STK33: variants seen among roughly 807,000 people sequenced by gnomAD.
The protein encoded by STK33 is serine/threonine kinase 33.
STK33 carries 52 observed loss-of-function variants against 58.0 expected under a neutral mutation model. The observed-to-expected ratio is 0.90, with a 90% CI of 0.72 to 1.13. STK33 has a LOEUF of 1.13. STK33 is among the 50% of genes most tolerant of loss of function. The probability of loss-of-function intolerance (pLI) is 0.00; values close to 1 mark genes in which losing one functional copy is unlikely to be tolerated. For synonymous variants in STK33, 215 were observed against 200.1 expected (o/e 1.07, Z -0.63); for missense variants, 630 against 604.2 (o/e 1.04, Z -0.45).
intron 1 of STK33, among the ~76,000 whole-genome samples, chr11:8,558,170 A>G (rs1388356639): frequency 1.3e-5 from 2 of 152,212 alleles, no homozygotes; most frequent in Non-Finnish European, 2.9e-5. Context: ...TCCATCATTC[A>G]TTTGTTTGCA....
the STK33 span, among the ~76,000 whole-genome samples, chr11:8,364,557 G>A: frequency 2.0e-5 from 3 of 151,970 alleles, no homozygotes; most frequent in Non-Finnish European, 2.9e-5. Context: ...CAGCAGGGAA[G>A]TTTACCCCTT....
At chr11:8,346,287 G>A in the STK33 span, among the ~76,000 whole-genome samples, 2 of 152,204 alleles carry the variant, frequency 1.3e-5, no homozygotes, top group African/African-American at 2.4e-5. Context: ...ACGGGGCACC[G>A]TGAGCCCCAG....
Position 8,457,444 on chromosome 11 carries a change from T to G in STK33, c.594A>C (p.Gly198=). The G allele has an allele frequency of 1.2e-6, 2 of 1,604,514 alleles. No homozygotes were observed. The highest frequency in any genetic ancestry group is 4.5e-5 in the East Asian group (2 of 44,772). ...MYLVMELCED[G]ELKEILDRKG... is the part of the protein sequence containing the mutation. The stretch of plus-strand genomic sequence containing the variant: ...TCCTATCCAGAATTTCTTTGAGTTC[T>G]CCATCCTCACAAAGCTCCATCACAA... Residue 198 remains glycine, a synonymous_variant, in exon 9 of 16, where the codon GGA becomes GGC. Coordinates refer to ENST00000687296, the MANE Select transcript of STK33 (RefSeq NM_001352389.2).
At chr11:8,367,884 C>T in the STK33 span, among the ~76,000 whole-genome samples, 4 of 152,264 alleles carry the variant, frequency 2.6e-5, no homozygotes, top group South Asian at 2.1e-4. Context: ...CACACACACA[C>T]GTATACACAG....
chr11:8,476,588 A>G (rs1949299692), intron 4 of STK33, 99 bp downstream of exon 4: 1 of 152,268 alleles, frequency 6.6e-6, no homozygotes, highest in African/African-American at 2.4e-5. Context: ...AAACATTCAC[A>G]CGGTCTGCTC....
chr11:8,409,334 G>T (rs551866808), intron 15 of STK33, among the ~76,000 whole-genome samples: 1 of 152,122 alleles, frequency 6.6e-6, no homozygotes, highest in African/African-American at 2.4e-5. Context: ...CTCTTCTCAC[G>T]GCAGGTGACA....
Position 8,474,670 on chromosome 11 carries a change from T to C in STK33, c.225+11A>G. The C allele has an allele frequency of 6.3e-7, 1 of 1,589,506 alleles. No homozygotes were observed. The highest frequency in any genetic ancestry group is 8.6e-7 in the Non-Finnish European group (1 of 1,167,104). ...CAACTTGTGCTTAGATGTGGAATCT[T>C]TGATATTTACCAAATCTTTCCTGGA... On this transcript the variant is annotated intron_variant, in intron 5 of 15. Transcript: ENST00000687296.
chr11:8,395,212 C>T (rs1257707070), intron 15 of STK33, among the ~76,000 whole-genome samples: 4 of 152,140 alleles, frequency 2.6e-5, no homozygotes, highest in South Asian at 2.1e-4. Context: ...CCCATAATTC[C>T]GTGTTGTGGG....
At chr11:8,413,885 A>G (rs759840447) in intron 14 of STK33, among the ~76,000 whole-genome samples, 193 bp from the exon 15 acceptor site, 1 of 152,180 alleles carries the variant, frequency 6.6e-6, no homozygotes, top group Non-Finnish European at 1.5e-5. Context: ...CATCCCTTGC[A>G]TGATATCACG....
chr11:8,396,125 T>A (rs1333010878), intron 15 of STK33, among the ~76,000 whole-genome samples: 4 of 152,092 alleles, frequency 2.6e-5, no homozygotes, highest in Non-Finnish European at 4.4e-5. Context: ...TTTTTTGAGG[T>A]GGAGTTTTGC....
At chr11:8,582,115 C>A (rs953932963) in intron 1 of STK33, among the ~76,000 whole-genome samples, 1 of 152,150 alleles carries the variant, frequency 6.6e-6, no homozygotes, top group Non-Finnish European at 1.5e-5. Flanking sequence ...ATAAAACCAC[C>A]AATTTTAATT....
chr11:8,416,240 C>G (rs1233218920), intron 14 of STK33, among the ~76,000 whole-genome samples: 2 of 152,114 alleles, frequency 1.3e-5, no homozygotes, highest in Non-Finnish European at 2.9e-5. Context: ...CTGACACTAC[C>G]ACCGTTCAAC....
At chr11:8,404,289 G>A (rs1938682008) in intron 15 of STK33, among the ~76,000 whole-genome samples, 2 of 152,100 alleles carry the variant, frequency 1.3e-5, no homozygotes, top group African/African-American at 4.8e-5. Flanking sequence ...CTTTGTAACT[G>A]AGGTATAATC....
chr11:8,413,811 T>A lies in STK33; in HGVS notation c.1147-119A>T, dbSNP rs11041911. 1.4e-4 allele frequency: 132 copies of A among 910,394 alleles called. No individual in the cohort carries two copies. In the East Asian group the frequency reaches 3.2e-3, roughly 22 times the overall value. 56.4% of individuals were successfully genotyped at this position (910,394 alleles called of 1,614,324 possible). A position where few individuals can be genotyped will look rare whatever the true frequency, so the allele number is the denominator to read the frequency against. Reference sequence around the variant, plus strand: ...AATAGTCACATGGAAAAGATTATAATGCTGAATAAATATGAAAACTTCTGA... The same window carrying A: ...AATAGTCACATGGAAAAGATTATAAAGCTGAATAAATATGAAAACTTCTGA... On this transcript the variant is annotated intron_variant, in intron 14 of 15. Transcript: ENST00000687296.
chr11:8,575,883 T>C (rs1032218964), intron 1 of STK33, among the ~76,000 whole-genome samples: 1 of 152,082 alleles, frequency 6.6e-6, no homozygotes, highest in Non-Finnish European at 1.5e-5. Flanking sequence ...ATCATCTCAA[T>C]AGATGCAGGC....
chr11:8,580,358 G>C (rs748978635), intron 1 of STK33, among the ~76,000 whole-genome samples: 6 of 152,082 alleles, frequency 3.9e-5, no homozygotes, highest in Non-Finnish European at 7.4e-5. Context: ...AACGAAATGA[G>C]CCAGGCACAG....
At chr11:8,452,662 C>T (rs1946420735) in intron 11 of STK33, among the ~76,000 whole-genome samples, 160 bp downstream of exon 11, 1 of 152,060 alleles carries the variant, frequency 6.6e-6, no homozygotes, top group Admixed American at 6.5e-5. Context: ...GTGGCATACA[C>T]CTGTGGTCCT....
chr11:8,473,338 A>G, intron 5 of STK33, 62 bp from the exon 6 acceptor site: 1 of 991,124 alleles, frequency 1.0e-6, no homozygotes, highest in Non-Finnish European at 1.6e-6. Context: ...TTGTTGACAA[A>G]GAATCCTAAT....
At chr11:8,495,090 C>A (rs1950952483) in intron 1 of STK33, among the ~76,000 whole-genome samples, 1 of 152,132 alleles carries the variant, frequency 6.6e-6, no homozygotes, top group Admixed American at 6.5e-5. Context: ...CCGAAATTGA[C>A]AAATGGGATC....
Sources: gnomAD v4.1 joint callset for allele counts (sites outside exome capture counted in the v4.1 genomes callset) on GRCh38, gnomAD v4.1.1 for gene constraint, MANE v1.5 for transcripts, NCBI Gene and HGNC (gene_info 2026-07-23, HGNC 2026-07-21) for gene names.